LDLRAD4: variants seen among roughly 807,000 people sequenced by gnomAD.
The protein encoded by LDLRAD4 is low-density lipoprotein receptor class A domain-containing protein 4.
Under a neutral mutation model 17.0 loss-of-function variants are expected in LDLRAD4, and 5 were observed. The ratio of observed to expected loss-of-function variants is 0.29; its 90% confidence interval spans 0.15 to 0.62. The LOEUF is 0.62. Among genes scored for constraint, LDLRAD4 ranks in the 20% least tolerant of loss-of-function variants. The pLI, the probability that LDLRAD4 is intolerant of heterozygous loss-of-function variation, is 0.84. For missense variants in LDLRAD4, 340 were observed against 424.7 expected (o/e 0.80, Z 1.75); for synonymous variants, 168 against 171.8 (o/e 0.98, Z 0.17).
chr18:13,333,165 C>T (rs1314265984), intron 1 of LDLRAD4, among the ~76,000 whole-genome samples: 2 of 152,158 alleles, frequency 1.3e-5, no homozygotes, highest in African/African-American at 4.8e-5. Flanking sequence ...TCCTGATGAC[C>T]TGTAATGTGA....
intron 1 of LDLRAD4, among the ~76,000 whole-genome samples, chr18:13,378,863 G>A (rs192771006): frequency 7.2e-5 from 11 of 152,342 alleles, no homozygotes; most frequent in Admixed American, 7.2e-4. Context: ...ATTAGCAGAG[G>A]AACTAGGAGA....
At chr18:13,395,817 C>T (rs1168156277) in intron 2 of LDLRAD4, among the ~76,000 whole-genome samples, 2 of 151,844 alleles carry the variant, frequency 1.3e-5, no homozygotes, top group Admixed American at 6.6e-5. Context: ...TCCCGGGGCC[C>T]TCTGCTCGTG....
chr18:13,510,812 A>G (rs1186167615), intron 3 of LDLRAD4, among the ~76,000 whole-genome samples: 1 of 152,158 alleles, frequency 6.6e-6, no homozygotes, highest in Non-Finnish European at 1.5e-5. Context: ...CAGAGTATGG[A>G]AGCAGAGAGG....
At chr18:13,525,163 A>G (rs2094010620) in intron 3 of LDLRAD4, among the ~76,000 whole-genome samples, 1 of 152,210 alleles carries the variant, frequency 6.6e-6, no homozygotes, top group Non-Finnish European at 1.5e-5. Flanking sequence ...GGGAGCTGGC[A>G]GACCTGTGTG....
At chr18:13,448,432 G>T (rs1052762782) in intron 3 of LDLRAD4, among the ~76,000 whole-genome samples, 1 of 152,142 alleles carries the variant, frequency 6.6e-6, no homozygotes, top group African/African-American at 2.4e-5. Flanking sequence ...TCCACAACTG[G>T]CAGAGCTGTA....
chr18:13,315,251 G>A (rs951355399), intron 1 of LDLRAD4, among the ~76,000 whole-genome samples: 7 of 152,160 alleles, frequency 4.6e-5, no homozygotes, highest in South Asian at 2.1e-4. Flanking sequence ...CAGAGTCAGC[G>A]CTCTCTGAAG....
intron 1 of LDLRAD4, among the ~76,000 whole-genome samples, chr18:13,307,013 TAGAC>T (rs1340831910): frequency 1.3e-5 from 2 of 152,164 alleles, no homozygotes; most frequent in Non-Finnish European, 2.9e-5. Context: ...AAATTGACAT[TAGAC>T]AGTCTGGCAG....
rs2090877851 is a variant in LDLRAD4 at position 13,439,371 on chromosome 18, GTGCTCT to G, written c.181+988_181+993del. Reference sequence around the variant, plus strand: ...GTATGTCCCCAATATAAAAATGACTGTGCTCTAGCAAATTTTAAGCCTGCTATTTAT... The same window carrying G: ...GTATGTCCCCAATATAAAAATGACTGAGCAAATTTTAAGCCTGCTATTTAT... On this transcript the variant is annotated intron_variant, in intron 3 of 5. Transcript: ENST00000359446. 2.0e-5 allele frequency among the ~76,000 whole-genome samples: 3 copies of G among 152,330 alleles called. No homozygotes were observed. The East Asian group carries it at 5.8e-4, about 29-fold the overall frequency.
At chr18:13,599,487 T>A (rs2095134481) in intron 3 of LDLRAD4, among the ~76,000 whole-genome samples, 1 of 6,514 alleles carries the variant, frequency 1.5e-4, no homozygotes. Context: ...GAGTCTCCAA[T>A]TTTTTTTTTT....
At chr18:13,449,650 C>T (rs758062890) in intron 3 of LDLRAD4, among the ~76,000 whole-genome samples, 2 of 152,204 alleles carry the variant, frequency 1.3e-5, no homozygotes, top group African/African-American at 2.4e-5. Context: ...TCTGCCATGG[C>T]GCTATCTCCT....
intron 3 of LDLRAD4, among the ~76,000 whole-genome samples, chr18:13,455,892 C>A (rs9652934): frequency 0.1 from 15,349 of 152,154 alleles, 819 homozygotes; most frequent in East Asian, 0.15. Context: ...AAAATACAAG[C>A]CTGTTTATTA....
intron 3 of LDLRAD4, among the ~76,000 whole-genome samples, chr18:13,508,189 G>C (rs1467642340): frequency 6.6e-6 from 1 of 152,228 alleles, no homozygotes; most frequent in African/African-American, 2.4e-5. Context: ...TGAAGGCTGA[G>C]AGAGGTGAGG....
rs573857832 is a variant in LDLRAD4, at chr18:13,594,177, C to T, written c.182-26940C>T. Among the ~76,000 whole-genome samples the T allele has an allele frequency of 2.0e-5, 3 of 152,164 alleles. No individual in the cohort carries two copies. The East Asian group carries it at 5.8e-4, about 29-fold the overall frequency. ...TGGTGATGTGAAGAGCAGCACCTCG[C>T]TTAGAGGTAGAGCAGGTGTGTGCCA... is the stretch of plus-strand genomic sequence containing the variant. On this transcript the variant is annotated intron_variant, in intron 3 of 5. Coordinates refer to ENST00000359446, the Ensembl canonical transcript of LDLRAD4.
chr18:13,228,178 G>A (rs1336471003), intron 1 of LDLRAD4, among the ~76,000 whole-genome samples: 1 of 152,206 alleles, frequency 6.6e-6, no homozygotes, highest in Admixed American at 6.5e-5. Flanking sequence ...AAAGGCTGGA[G>A]ATGGTATGAG....
intron 3 of LDLRAD4, among the ~76,000 whole-genome samples, chr18:13,576,437 A>AAAAAAAGAAAG (rs1555750703): frequency 1.2e-5 from 1 of 83,598 alleles, no homozygotes; most frequent in African/African-American, 3.1e-5. Flanking sequence ...AAAAAAAAAA[A>AAAAAAAGAAAG]AAAGAAAGAA....
intron 3 of LDLRAD4, among the ~76,000 whole-genome samples, chr18:13,546,281 G>A (rs779751408): frequency 2.0e-5 from 3 of 152,074 alleles, no homozygotes; most frequent in Non-Finnish European, 4.4e-5. Context: ...GAACCAGCAG[G>A]CCAACTCCAC....
intron 1 of LDLRAD4, among the ~76,000 whole-genome samples, chr18:13,334,869 T>C (rs150637720): frequency 1.2e-3 from 182 of 152,332 alleles, no homozygotes; most frequent in African/African-American, 4.2e-3. Context: ...GAAGTTCCCC[T>C]CAACGATTTC....
chr18:13,642,652 G>A lies in LDLRAD4; in HGVS notation c.337-707G>A, dbSNP rs192120093. ...GCTGGAGGCCGGGCAGGGCACGGGCGGGCCCCGGGCCACCTCTGCCAGGGC... is the reference window on the plus strand; with the variant it reads ...GCTGGAGGCCGGGCAGGGCACGGGCAGGCCCCGGGCCACCTCTGCCAGGGC... On this transcript the variant is annotated intron_variant, in intron 4 of 5. Transcript: ENST00000359446. 8,139 of 1,231,166 alleles carry A rather than the reference G, an allele frequency of 6.6e-3. 30 individuals are homozygous for A. The highest frequency in any genetic ancestry group is 0.016 in the Middle Eastern group (52 of 3,208). The allele number at this position is 1,231,166 out of a possible 1,614,324, so 76.3% of individuals were successfully genotyped here.
chr18:13,523,812 C>A (rs527779393), intron 3 of LDLRAD4, among the ~76,000 whole-genome samples: 211 of 152,306 alleles, frequency 1.4e-3, no homozygotes, highest in African/African-American at 4.6e-3. Context: ...TGACACGAAC[C>A]TTTTGCTGTG....
Sources: allele counts gnomAD v4.1 joint callset (sites outside exome capture counted in the v4.1 genomes callset), GRCh38; gene constraint gnomAD v4.1.1; transcripts MANE v1.5; gene names NCBI Gene and HGNC (gene_info 2026-07-23, HGNC 2026-07-21).